SDC3: variants seen among roughly 807,000 people sequenced by gnomAD.
SDC3 encodes the protein syndecan 3.
SDC3 carries 13 observed loss-of-function variants against 24.4 expected under a neutral mutation model. That is an observed-to-expected ratio of 0.53 (90% confidence interval 0.35 to 0.85). SDC3 has a LOEUF of 0.85. Among genes scored for constraint, SDC3 ranks in the 40% least tolerant of loss-of-function variants. The probability of loss-of-function intolerance (pLI) is 0.01; values close to 1 mark genes in which losing one functional copy is unlikely to be tolerated. For synonymous variants in SDC3, 295 were observed against 260.9 expected, an observed-to-expected ratio of 1.13 and a Z score of -1.26; for missense variants, 571 against 584.5, an observed-to-expected ratio of 0.98 and a Z score of 0.24.
rs766999758 is a variant in SDC3, at chr1:30,874,504, G to T, written c.955C>A (p.Leu319Met). ...VSGGPSGDFELPEEETTQPDT... is the reference protein window; with the variant it reads ...VSGGPSGDFEMPEEETTQPDT... ...GGTTGTGTGGTCTCTTCTTCTGGCA[G>T]CTCGAAGTCTCCACTGGGCCCCCCA... Residue 319 changes from leucine (L) to methionine (M), a missense_variant, in exon 4 of 5, where the codon CTG becomes ATG. Leu to Met is a conservative substitution (Grantham distance 15, BLOSUM62 2). Transcript: ENST00000339394. The T allele has an allele frequency of 1.4e-5, 23 of 1,614,054 alleles. No individual in the cohort carries two copies. The highest frequency in any genetic ancestry group is 1.8e-5 in the Non-Finnish European group (21 of 1,180,024).
chr1:30,899,246 C>A (rs1638354210), intron 1 of SDC3, among the ~76,000 whole-genome samples: 1 of 152,074 alleles, frequency 6.6e-6, no homozygotes, highest in Admixed American at 6.5e-5. Flanking sequence ...ACCACCATGC[C>A]CAGCTAATTT....
rs932460276 is a variant in SDC3 at position 30,874,730 on chromosome 1, G to A, written c.871-142C>T. ...CTACACACTATCCCCATGAAGGAGT[G>A]TAACAATGCCCCCAGTTTACAGAGC... On this transcript the variant is annotated intron_variant, in intron 3 of 4. Transcript: ENST00000339394. 2.5e-5 allele frequency: 19 copies of A among 768,928 alleles called. No individual in the cohort carries two copies. In the African/African-American group the frequency reaches 2.8e-4, roughly 11 times the overall value. The allele number at this position is 768,928 out of a possible 1,614,324, so 47.6% of individuals were successfully genotyped here. A position where few individuals can be genotyped will look rare whatever the true frequency, so the allele number is the denominator to read the frequency against.
At chr1:30,880,517 C>G (rs909522328) in intron 1 of SDC3, 5 of 152,206 alleles carry the variant, frequency 3.3e-5, no homozygotes, top group African/African-American at 1.2e-4. Context: ...AACCTGCTTC[C>G]AAGAGTACAT....
chr1:30,881,015 G>A (rs567087929), intron 1 of SDC3, among the ~76,000 whole-genome samples: 7 of 135,756 alleles, frequency 5.2e-5, no homozygotes, highest in South Asian at 4.7e-4. Flanking sequence ...CCCAAGACAC[G>A]CGCGCACGCA....
In SDC3 at chr1:30,870,335, CT is replaced by C. The variant is rs769988030; in HGVS notation, c.*2875del. ...CTGGGCTCTCCAGGTCCTGGCCTGC[CT>C]CGTGCTCTGGCAGCCAAGGCCCCAG... is the stretch of plus-strand genomic sequence containing the variant. On this transcript the variant is annotated 3_prime_UTR_variant, in exon 5 of 5. Coordinates refer to ENST00000339394, the MANE Select transcript of SDC3 (RefSeq NM_014654.4). The C allele has an allele frequency of 6.2e-6, 1 of 160,916 alleles. No homozygotes were observed. Among genetic ancestry groups the C allele is most frequent in the Admixed American group, 6.4e-5 (1 of 15,512 alleles). The allele number at this position is 160,916 out of a possible 1,614,324, so 10.0% of individuals were successfully genotyped here.
At chr1:30,891,596 G>A (rs1340338168) in intron 1 of SDC3, among the ~76,000 whole-genome samples, 1 of 152,088 alleles carries the variant, frequency 6.6e-6, no homozygotes, top group Non-Finnish European at 1.5e-5. Flanking sequence ...GGGAGGAGGA[G>A]GCCAGGAGCA....
Position 30,908,515 on chromosome 1 carries a change from C to G in SDC3, c.72G>C (p.Gly24=). 1 of 976,530 alleles carries G rather than the reference C, an allele frequency of 1.0e-6. No individual in the cohort carries two copies. Among genetic ancestry groups the G allele is most frequent in the Non-Finnish European group, 1.2e-6 (1 of 826,102 alleles). 60.5% of individuals were successfully genotyped at this position (976,530 alleles called of 1,614,324 possible). ...GCAGGAGCAGCCCGCGGGCCCCGGG[C>G]CCGGCCGCGGCCCCGGCCCCGGCGC... ...GAGAGAGAAA[G]PGARGLLLPP... is the part of the protein sequence containing the mutation. Residue 24 remains glycine (G), a synonymous_variant, in exon 1 of 5, where the codon GGG becomes GGC. Coordinates refer to ENST00000339394, the MANE Select transcript of SDC3 (RefSeq NM_014654.4).
intron 1 of SDC3, among the ~76,000 whole-genome samples, chr1:30,904,380 C>T (rs1557527758): frequency 6.6e-6 from 1 of 152,140 alleles, no homozygotes; most frequent in Non-Finnish European, 1.5e-5. Context: ...CCCTCGCTCT[C>T]CCCACCACTG....
chr1:30,877,525 T>A (rs527964735), intron 2 of SDC3: 1 of 505,440 alleles, frequency 2.0e-6, no homozygotes, highest in Admixed American at 3.3e-5. Context: ...AACACAGGAG[T>A]GGCATTCTGG....
At chr1:30,895,981 C>T (rs1639993748) in intron 1 of SDC3, among the ~76,000 whole-genome samples, 1 of 152,160 alleles carries the variant, frequency 6.6e-6, no homozygotes, top group Non-Finnish European at 1.5e-5. Flanking sequence ...ACAGTCTGTC[C>T]ACCCTCCAGA....
chr1:30,907,864 G>A (rs1638557682), intron 1 of SDC3, among the ~76,000 whole-genome samples: 1 of 152,100 alleles, frequency 6.6e-6, no homozygotes, highest in Admixed American at 6.5e-5. Context: ...GCCGGCTGCC[G>A]CGACCCTGGG....
chr1:30,900,766 A>G (rs957044872), intron 1 of SDC3, among the ~76,000 whole-genome samples: 1 of 152,024 alleles, frequency 6.6e-6, no homozygotes, highest in African/African-American at 2.4e-5. Context: ...CTGGTGATTG[A>G]TTCTAAATTA....
intron 1 of SDC3, among the ~76,000 whole-genome samples, chr1:30,892,013 G>A (rs1272528286): frequency 6.6e-6 from 1 of 151,886 alleles, no homozygotes; most frequent in Non-Finnish European, 1.5e-5. Flanking sequence ...AAAACCCAGT[G>A]CTCACCCCCC....
intron 3 of SDC3, 60 bp from the exon 4 acceptor site, chr1:30,874,648 C>T (rs1427757845): frequency 7.5e-5 from 113 of 1,509,192 alleles, no homozygotes; most frequent in Non-Finnish European, 1.0e-4. Flanking sequence ...CCCCCCACCA[C>T]CATCCTACTG....
intron 1 of SDC3, among the ~76,000 whole-genome samples, chr1:30,884,033 C>A (rs1639784335): frequency 6.6e-6 from 1 of 152,128 alleles, no homozygotes; most frequent in South Asian, 2.1e-4. Context: ...AGCAAGACAG[C>A]CAAGGGGGCT....
At position 30,877,170 on chromosome 1, in the gene SDC3, G is replaced by C; in HGVS notation, c.257-5C>G. The C allele has an allele frequency of 6.2e-7, 1 of 1,613,724 alleles. No homozygotes were observed. Among genetic ancestry groups the C allele is most frequent in the South Asian group, 1.1e-5 (1 of 91,040 alleles). On this transcript the variant is annotated splice_polypyrimidine_tract_variant and splice_region_variant and intron_variant, in intron 2 of 4. Coordinates refer to ENST00000339394, the MANE Select transcript of SDC3 (RefSeq NM_014654.4). The stretch of plus-strand genomic sequence containing the variant: ...TGCCCGACTCCTGCTCGAAGTCTGA[G>C]GGGGTGGGGGAGAGGGAGAGAGCTA...
chr1:30,892,205 T>A (rs1288189733), intron 1 of SDC3, among the ~76,000 whole-genome samples: 1 of 152,080 alleles, frequency 6.6e-6, no homozygotes, highest in Non-Finnish European at 1.5e-5. Flanking sequence ...GGATAAGGCC[T>A]GGCCTCCACT....
intron 1 of SDC3, among the ~76,000 whole-genome samples, chr1:30,897,411 A>C (rs1274113595): frequency 1.3e-5 from 2 of 152,192 alleles, no homozygotes; most frequent in Non-Finnish European, 2.9e-5. Flanking sequence ...GAGTATTTTC[A>C]AGGGCCCTTC....
chr1:30,878,541 G>GCC, intron 2 of SDC3, 82 bp downstream of exon 2: 1 of 1,133,236 alleles, frequency 8.8e-7, no homozygotes, highest in South Asian at 1.3e-5. Context: ...ACTGAAGCAA[G>GCC]CCCCCCGTGG....
Sources: allele counts gnomAD v4.1 joint callset (sites outside exome capture counted in the v4.1 genomes callset), GRCh38; gene constraint gnomAD v4.1.1; transcripts MANE v1.5; gene names NCBI Gene and HGNC (gene_info 2026-07-23, HGNC 2026-07-21).